TRIM37: variants seen among roughly 807,000 people sequenced by gnomAD.
The protein encoded by TRIM37 is E3 ubiquitin-protein ligase TRIM37.
In TRIM37, 80 loss-of-function variants were observed where a neutral mutation model predicts 129.8. The ratio of observed to expected loss-of-function variants is 0.62; its 90% confidence interval spans 0.51 to 0.74. The LOEUF is 0.74. Among genes scored for constraint, TRIM37 ranks in the 30% least tolerant of loss-of-function variants. The pLI is 0.00. For missense variants in TRIM37, 1,054 were observed against 1,176.5 expected (o/e 0.90, Z 1.52); for synonymous variants, 389 against 387.1 (o/e 1.00, Z -0.06).
At chr17:59,094,713 C>A (rs1246094079) in intron 2 of TRIM37, among the ~76,000 whole-genome samples, 1 of 151,694 alleles carries the variant, frequency 6.6e-6, no homozygotes, top group East Asian at 1.9e-4. Context: ...GGATAAAAAA[C>A]TGGGTTCCTG....
chr17:59,062,181 G>A (rs2146518556), intron 11 of TRIM37, among the ~76,000 whole-genome samples: 2 of 152,022 alleles, frequency 1.3e-5, no homozygotes, highest in Middle Eastern at 6.8e-3. Flanking sequence ...CATCTTTAAA[G>A]GTAAAGAAAA....
At chr17:59,092,814 A>T (rs1417411502) in intron 2 of TRIM37, among the ~76,000 whole-genome samples, 1 of 152,220 alleles carries the variant, frequency 6.6e-6, no homozygotes, top group African/African-American at 2.4e-5. Flanking sequence ...AAAGGACAGT[A>T]AAAGACTTAA....
chr17:59,042,217 A>C (rs1391517864), intron 16 of TRIM37, among the ~76,000 whole-genome samples: 1 of 151,200 alleles, frequency 6.6e-6, no homozygotes, highest in East Asian at 1.9e-4. Context: ...TCTACTAAAA[A>C]TACAAAAAAT....
At chr17:58,971,378 T>TA in the TRIM37 span, among the ~76,000 whole-genome samples, 1 of 152,182 alleles carries the variant, frequency 6.6e-6, no homozygotes, top group African/African-American at 2.4e-5. Flanking sequence ...GCCAGGTCCT[T>TA]AGTAACAGAA....
At position 59,047,837 on chromosome 17, in the gene TRIM37, A is replaced by G. The variant is rs1001426489; in HGVS notation, c.1531-18T>C. ...AGCTCGTGCTAGATCAATGCCAAGA[A>G]AACAAGACGTCTATTCCAAATGTTT... On this transcript the variant is annotated intron_variant, in intron 15 of 23. Transcript: ENST00000262294. The G allele has an allele frequency of 2.5e-6, 4 of 1,613,404 alleles. No homozygotes were observed. In the African/African-American group the frequency reaches 5.3e-5, roughly 22 times the overall value.
chr17:58,997,416 C>T (rs146596860), downstream of TRIM37, among the ~76,000 whole-genome samples: 358 of 152,238 alleles, frequency 2.4e-3, 4 homozygotes, highest in African/African-American at 8.2e-3. Context: ...AGCAGTTCAC[C>T]CCATCCCTGC....
At chr17:59,073,927 CG>C (rs1193634880) in intron 8 of TRIM37, among the ~76,000 whole-genome samples, 5 of 152,182 alleles carry the variant, frequency 3.3e-5, no homozygotes, top group Admixed American at 1.3e-4. Context: ...ATATAGTCAA[CG>C]TTTTTTTAAA....
chr17:59,097,581 T>C (rs1201784111), intron 2 of TRIM37, among the ~76,000 whole-genome samples: 1 of 151,564 alleles, frequency 6.6e-6, no homozygotes, highest in Non-Finnish European at 1.5e-5. Flanking sequence ...TTGAAAGACA[T>C]ACATGGAGGC....
At chr17:59,017,235 T>G in intron 20 of TRIM37, 61 bp downstream of exon 20, 1 of 1,591,806 alleles carries the variant, frequency 6.3e-7, no homozygotes, top group Non-Finnish European at 8.6e-7. Context: ...CACGATAACA[T>G]CAATTTCAGG....
At chr17:59,075,625 A>ATTACAT (rs1410993157) in intron 8 of TRIM37, 22 bp downstream of exon 8, 1 of 1,536,964 alleles carries the variant, frequency 6.5e-7, no homozygotes, top group East Asian at 2.2e-5. Context: ...AGACTATTTC[A>ATTACAT]TTACATTTAA....
intron 24 of TRIM37, among the ~76,000 whole-genome samples, chr17:58,990,842 C>T (rs1245670335): frequency 6.7e-6 from 1 of 148,558 alleles, no homozygotes; most frequent in Non-Finnish European, 1.5e-5. Context: ...TCAGAGCACA[C>T]CAAGCAAGGT....
intron 22 of TRIM37, among the ~76,000 whole-genome samples, chr17:59,007,398 A>T (rs1204180282): frequency 2.2e-4 from 34 of 152,100 alleles, no homozygotes; most frequent in Admixed American, 2.2e-3. Context: ...TGTTAAAGGC[A>T]TCTTAATAAT....
intron 15 of TRIM37, among the ~76,000 whole-genome samples, chr17:59,048,817 G>C (rs1250117899): frequency 2.0e-5 from 3 of 152,106 alleles, no homozygotes; most frequent in African/African-American, 4.8e-5. Context: ...GGATAGTCTC[G>C]AACTCCTGAC....
intron 21 of TRIM37, among the ~76,000 whole-genome samples, chr17:59,013,763 G>C (rs955117451): frequency 2.0e-5 from 3 of 151,250 alleles, no homozygotes; most frequent in Non-Finnish European, 4.4e-5. Context: ...CCTGGGCTCA[G>C]GCCATCTTCC....
chr17:59,053,284 A>AGG (rs2040524266), intron 13 of TRIM37, among the ~76,000 whole-genome samples: 3 of 152,222 alleles, frequency 2.0e-5, no homozygotes, highest in African/African-American at 7.2e-5. Context: ...GCCTTAAATA[A>AGG]CTTTCTAATA....
chr17:58,983,803 T>TA (rs2031545766), intron 24 of TRIM37: 1 of 152,650 alleles, frequency 6.6e-6, no homozygotes, highest in Non-Finnish European at 1.5e-5. Context: ...GTTTGCCTGC[T>TA]AAACAAGTTA....
intron 4 of TRIM37, among the ~76,000 whole-genome samples, chr17:59,087,060 A>T (rs928445674): frequency 3.3e-5 from 5 of 152,158 alleles, no homozygotes; most frequent in Non-Finnish European, 7.4e-5. Flanking sequence ...AGAATTCCTT[A>T]AAAGTCCAGT....
chr17:59,099,254 C>T (rs551218415), intron 2 of TRIM37, among the ~76,000 whole-genome samples: 112 of 152,094 alleles, frequency 7.4e-4, no homozygotes, highest in African/African-American at 2.4e-3. Flanking sequence ...AAAGATGTTT[C>T]GGTAAATGAT....
intron 10 of TRIM37, 88 bp from the exon 11 acceptor site, chr17:59,062,736 G>A: frequency 1.9e-6 from 2 of 1,028,172 alleles, no homozygotes; most frequent in Non-Finnish European, 3.0e-6. Context: ...CAGTTTCTTT[G>A]TTACATACTT....
Sources: gnomAD v4.1 joint callset for allele counts (sites outside exome capture counted in the v4.1 genomes callset) on GRCh38, gnomAD v4.1.1 for gene constraint, MANE v1.5 for transcripts, NCBI Gene and HGNC (gene_info 2026-07-23, HGNC 2026-07-21) for gene names.